Variants in SCHIP1 observed in about 807,000 individuals in gnomAD.
SCHIP1 encodes the protein schwannomin-interacting protein 1.
Under a neutral mutation model 29.7 loss-of-function variants are expected in SCHIP1, and 8 were observed. The ratio of observed to expected loss-of-function variants is 0.27; its 90% CI spans 0.16 to 0.49. The LOEUF is 0.49. Ranked by LOEUF, SCHIP1 falls within the 20% of genes least tolerant of loss-of-function variation. The pLI is 0.99. For synonymous variants in SCHIP1, 76 were observed against 94.9 expected, an observed-to-expected ratio of 0.80 and a Z score of 1.16; for missense variants, 193 against 294.6, an observed-to-expected ratio of 0.66 and a Z score of 2.52.
the SCHIP1 span, among the ~76,000 whole-genome samples, chr3:159,698,219 A>T: frequency 6.9e-4 from 105 of 152,354 alleles, no homozygotes; most frequent in Admixed American, 1.7e-3. Flanking sequence ...AAATGTGGGA[A>T]TACATTCCCT....
the SCHIP1 span, among the ~76,000 whole-genome samples, chr3:159,303,759 A>T: frequency 2.6e-5 from 4 of 152,210 alleles, no homozygotes; most frequent in Non-Finnish European, 5.9e-5. Flanking sequence ...TTTTAATTCA[A>T]AAATAACATA....
At chr3:159,765,115 C>G in the SCHIP1 span, 6 of 1,568,254 alleles carry the variant, frequency 3.8e-6, no homozygotes, top group Non-Finnish European at 5.2e-6. Flanking sequence ...GAACCAGGGC[C>G]AGGCGAGGAC....
At chr3:159,645,852 G>A in the SCHIP1 span, among the ~76,000 whole-genome samples, 1 of 152,114 alleles carries the variant, frequency 6.6e-6, no homozygotes, top group African/African-American at 2.4e-5. Context: ...CTGGGTGAGT[G>A]GAGTTCCTGC....
rs187006252 is a variant in SCHIP1 at position 159,857,713 on chromosome 3, C to A, written c.31-8450C>A. On this transcript the variant is annotated intron_variant, in intron 1 of 6. Coordinates refer to ENST00000445224, the Ensembl canonical transcript of SCHIP1. ...TTCTCCATTCTTCTCACTACCTTCC[C>A]CACCCCTTCCTTTTAATATTAATAA... Among the ~76,000 whole-genome samples the A allele has an allele frequency of 2.7e-4, 41 of 152,236 alleles. No individual in the cohort carries two copies. In the South Asian group the frequency reaches 8.3e-3, roughly 31 times the overall value.
chr3:159,793,395 T>C, the SCHIP1 span, among the ~76,000 whole-genome samples: 5 of 152,222 alleles, frequency 3.3e-5, no homozygotes, highest in African/African-American at 4.8e-5. Context: ...TTCTTGCCTA[T>C]TGGATATAGG....
At chr3:159,300,304 AT>A in the SCHIP1 span, among the ~76,000 whole-genome samples, 52 of 147,822 alleles carry the variant, frequency 3.5e-4, no homozygotes, top group African/African-American at 1.2e-3. Flanking sequence ...TTTTAAAAAG[AT>A]TTTTTTTTTG....
the SCHIP1 span, among the ~76,000 whole-genome samples, chr3:159,750,869 A>G: frequency 2.0e-5 from 3 of 149,960 alleles, no homozygotes; most frequent in Non-Finnish European, 4.4e-5. Flanking sequence ...ATTTTAGAAG[A>G]ACTATTAAAA....
At chr3:159,445,972 C>T in the SCHIP1 span, among the ~76,000 whole-genome samples, 6 of 151,426 alleles carry the variant, frequency 4.0e-5, no homozygotes, top group East Asian at 9.7e-4. Context: ...CACATGTATA[C>T]GTATGTAACT....
chr3:159,694,550 AAGAAAGAAAGAAAG>A, the SCHIP1 span, among the ~76,000 whole-genome samples: 1 of 43,524 alleles, frequency 2.3e-5, no homozygotes, highest in African/African-American at 7.3e-5. Flanking sequence ...GAAAGAAAGA[AAGAAAGAAAGAAAG>A]AAAGAAAGAA....
At chr3:159,889,170 A>G (rs1311515256) in intron 5 of SCHIP1, among the ~76,000 whole-genome samples, 5 of 152,144 alleles carry the variant, frequency 3.3e-5, no homozygotes, top group Non-Finnish European at 7.4e-5. Context: ...GGTCCCTTCT[A>G]TTTATTTTAA....
chr3:159,492,305 G>A, the SCHIP1 span, among the ~76,000 whole-genome samples: 2 of 152,148 alleles, frequency 1.3e-5, no homozygotes, highest in African/African-American at 4.8e-5. Context: ...ACTACTCCAA[G>A]CTAAAGGAGG....
At chr3:159,436,021 A>G in the SCHIP1 span, among the ~76,000 whole-genome samples, 1 of 152,150 alleles carries the variant, frequency 6.6e-6, no homozygotes, top group Admixed American at 6.6e-5. Context: ...GTCTTAAATG[A>G]TGAGATCTGA....
chr3:159,636,905 T>C, the SCHIP1 span, among the ~76,000 whole-genome samples: 9 of 152,228 alleles, frequency 5.9e-5, no homozygotes, highest in Non-Finnish European at 2.9e-5. Flanking sequence ...ATCTTGCCTC[T>C]CCAATACTTT....
chr3:159,592,484 C>T, the SCHIP1 span, among the ~76,000 whole-genome samples: 1 of 151,972 alleles, frequency 6.6e-6, no homozygotes, highest in Non-Finnish European at 1.5e-5. Context: ...CAATCTCTAC[C>T]ATGTGTCCCC....
chr3:159,716,088 C>A, the SCHIP1 span, among the ~76,000 whole-genome samples: 2 of 152,134 alleles, frequency 1.3e-5, no homozygotes, highest in African/African-American at 4.8e-5. Flanking sequence ...AGAGTGAGGG[C>A]CAATATTCAA....
the SCHIP1 span, among the ~76,000 whole-genome samples, chr3:159,770,073 T>C: frequency 2.0e-5 from 3 of 152,350 alleles, no homozygotes; most frequent in African/African-American, 4.8e-5. Context: ...TTGTGTGGCT[T>C]CTTTAACTCA....
the SCHIP1 span, among the ~76,000 whole-genome samples, chr3:159,331,824 C>T: frequency 3.3e-5 from 5 of 152,152 alleles, no homozygotes; most frequent in African/African-American, 1.2e-4. Context: ...GAAAATCTGA[C>T]CATGTTCATT....
the SCHIP1 span, among the ~76,000 whole-genome samples, chr3:159,769,852 T>C: frequency 3.3e-5 from 5 of 152,236 alleles, no homozygotes; most frequent in Non-Finnish European, 5.9e-5. Context: ...TTTTGACATA[T>C]GTATGGCATA....
intron 1 of SCHIP1, among the ~76,000 whole-genome samples, chr3:159,843,001 C>CTTGTTTTTTTTTTTTTTTTTTT (rs1744394617): frequency 1.6e-5 from 1 of 63,710 alleles, no homozygotes; most frequent in Non-Finnish European, 3.3e-5. Flanking sequence ...ATATTTCTTT[C>CTTGTTTTTTTTTTTTTTTTTTT]TTTTTTTTTT....
Sources: allele counts gnomAD v4.1 joint callset (sites outside exome capture counted in the v4.1 genomes callset), GRCh38; gene constraint gnomAD v4.1.1; transcripts MANE v1.5; gene names NCBI Gene and HGNC (gene_info 2026-07-23, HGNC 2026-07-21).